Variants in SLC2A12 observed in about 807,000 individuals in gnomAD.
SLC2A12 encodes the protein solute carrier family 2, facilitated glucose transporter member 12.
Under a neutral mutation model 41.8 loss-of-function variants are expected in SLC2A12, and 23 were observed. The observed-to-expected ratio is 0.55, with a 90% CI of 0.40 to 0.78. SLC2A12 has a LOEUF of 0.78. Ranked by LOEUF, SLC2A12 falls within the 30% of genes least tolerant of loss-of-function variation. The pLI is 0.00. For missense variants in SLC2A12, 654 were observed against 745.6 expected (o/e 0.88, Z 1.43); for synonymous variants, 295 against 285.9 (o/e 1.03, Z -0.32).
At chr6:134,019,054 C>T (rs915274289) in intron 2 of SLC2A12, among the ~76,000 whole-genome samples, 3 of 152,130 alleles carry the variant, frequency 2.0e-5, no homozygotes, top group Admixed American at 6.5e-5. Flanking sequence ...GGATGACAGT[C>T]GCAGCTTTAT....
At chr6:134,038,838 G>A (rs1170200236) in intron 1 of SLC2A12, among the ~76,000 whole-genome samples, 1 of 150,760 alleles carries the variant, frequency 6.6e-6, no homozygotes, top group African/African-American at 2.5e-5. Flanking sequence ...CTGAGTAGCT[G>A]GGATTACAGG....
chr6:134,027,372 GA>G (rs1468876933), intron 2 of SLC2A12, among the ~76,000 whole-genome samples: 2 of 152,114 alleles, frequency 1.3e-5, no homozygotes, highest in Admixed American at 6.5e-5. Context: ...TTATTGGCCT[GA>G]ACCTCCAATG....
chr6:134,051,422 T>C (rs530032208), intron 1 of SLC2A12, among the ~76,000 whole-genome samples: 1 of 152,364 alleles, frequency 6.6e-6, no homozygotes, highest in African/African-American at 2.4e-5. Context: ...GTCTTTTGTA[T>C]CATTTAGTGT....
At chr6:134,046,016 T>C (rs1035829136) in intron 1 of SLC2A12, among the ~76,000 whole-genome samples, 3 of 152,194 alleles carry the variant, frequency 2.0e-5, no homozygotes, top group Non-Finnish European at 4.4e-5. Flanking sequence ...AAATAAAACA[T>C]TTCATTAGTG....
chr6:134,019,209 A>T (rs1036669602), intron 2 of SLC2A12, among the ~76,000 whole-genome samples: 3 of 152,062 alleles, frequency 2.0e-5, no homozygotes, highest in African/African-American at 4.8e-5. Context: ...TAATTATTAT[A>T]AAAAAAACAG....
At chr6:134,022,524 T>G (rs1356528186) in intron 2 of SLC2A12, among the ~76,000 whole-genome samples, 3 of 142,398 alleles carry the variant, frequency 2.1e-5, no homozygotes, top group Non-Finnish European at 4.6e-5. Flanking sequence ...AGAGTGAAAC[T>G]CCATCTCAAA....
intron 4 of SLC2A12, among the ~76,000 whole-genome samples, chr6:133,994,965 A>T (rs948813933): frequency 2.0e-5 from 3 of 152,172 alleles, no homozygotes; most frequent in Non-Finnish European, 4.4e-5. Context: ...ATAATCTAAG[A>T]TGAGGAGTGA....
intron 2 of SLC2A12, among the ~76,000 whole-genome samples, chr6:134,017,908 A>G (rs1453249090): frequency 2.0e-5 from 3 of 151,394 alleles, no homozygotes; most frequent in African/African-American, 7.3e-5. Context: ...TTCTCAGCCT[A>G]TATCTCACCT....
chr6:133,989,554 T>C lies in SLC2A12; in HGVS notation c.*1601A>G, dbSNP rs1305854574. 6.6e-6 allele frequency: 1 copy of C among 152,124 alleles called. No homozygotes were observed. The highest frequency in any genetic ancestry group is 1.5e-5 in the Non-Finnish European group (1 of 68,014). 9.4% of individuals were successfully genotyped at this position (152,124 alleles called of 1,614,324 possible). A position where few individuals can be genotyped will look rare whatever the true frequency, so the allele number is the denominator to read the frequency against. ...TTCTCTTTCCAAAAACAAAAAACAA[T>C]GCATGCTCTGATTTGCGTATGAAAT... On this transcript the variant is annotated 3_prime_UTR_variant, in exon 5 of 5. Transcript: ENST00000275230.
At chr6:134,004,272 G>A (rs1300317090) in intron 3 of SLC2A12, among the ~76,000 whole-genome samples, 2 of 152,296 alleles carry the variant, frequency 1.3e-5, no homozygotes, top group South Asian at 2.1e-4. Context: ...TTGAGGGCAT[G>A]TGTTTATGTG....
chr6:134,033,674 C>T (rs1032230732), intron 1 of SLC2A12, among the ~76,000 whole-genome samples: 2 of 152,148 alleles, frequency 1.3e-5, no homozygotes, highest in Non-Finnish European at 2.9e-5. Flanking sequence ...GCAGGGGAAT[C>T]AATGCCATAA....
rs1307825258 is a variant in SLC2A12 at position 133,988,589 on chromosome 6, C to A, written c.*2566G>T. ...CTAGCTTAGGCACTGCACTGAACAA[C>A]ACATATTATTTTTATCTTTTTTCTT... is the stretch of plus-strand genomic sequence containing the variant. On this transcript the variant is annotated 3_prime_UTR_variant, in exon 5 of 5. Transcript: ENST00000275230. 3.9e-5 allele frequency: 6 copies of A among 152,184 alleles called. No individual in the cohort carries two copies. 9.4% of individuals were successfully genotyped at this position (152,184 alleles called of 1,614,324 possible). A position where few individuals can be genotyped will look rare whatever the true frequency, so the allele number is the denominator to read the frequency against.
At chr6:134,013,507 G>A (rs1040871485) in intron 2 of SLC2A12, among the ~76,000 whole-genome samples, 2 of 152,020 alleles carry the variant, frequency 1.3e-5, no homozygotes, top group Non-Finnish European at 2.9e-5. Context: ...CAATGAGATG[G>A]ATGGGGAGTT....
At chr6:134,007,360 C>G (rs967692850) in intron 2 of SLC2A12, among the ~76,000 whole-genome samples, 1 of 152,206 alleles carries the variant, frequency 6.6e-6, no homozygotes, top group Non-Finnish European at 1.5e-5. Context: ...CAGCTCTCTC[C>G]CCCTGACCTT....
chr6:134,048,670 CAT>C (rs1292618751), intron 1 of SLC2A12, among the ~76,000 whole-genome samples: 1 of 152,184 alleles, frequency 6.6e-6, no homozygotes, highest in African/African-American at 2.4e-5. Context: ...TTGTTAAATA[CAT>C]ATGTTTTTAA....
At chr6:134,039,368 A>C (rs1193157977) in intron 1 of SLC2A12, among the ~76,000 whole-genome samples, 1 of 152,208 alleles carries the variant, frequency 6.6e-6, no homozygotes, top group Non-Finnish European at 1.5e-5. Flanking sequence ...GTTTATTCTT[A>C]TCATCAGATG....
rs1776620699 is a variant in SLC2A12 at position 133,991,319 on chromosome 6, A to G, written c.1701-11T>C. The G allele has an allele frequency of 1.2e-6, 2 of 1,606,400 alleles. No individual in the cohort carries two copies. The highest frequency in any genetic ancestry group is 1.1e-5 in the South Asian group (1 of 89,402). ...TTTTTCACATAGTTCCTGAAAGAGA[A>G]AGAGGCACTAATGAAAATGTCATTC... On this transcript the variant is annotated splice_polypyrimidine_tract_variant and intron_variant, in intron 4 of 4. Transcript: ENST00000275230.
chr6:134,011,972 G>A (rs893842596), intron 2 of SLC2A12, among the ~76,000 whole-genome samples: 2 of 151,256 alleles, frequency 1.3e-5, no homozygotes, highest in Admixed American at 1.3e-4. Context: ...AGCCCAGGAG[G>A]TGGAAGTTGC....
chr6:134,023,327 G>A (rs1462881716), intron 2 of SLC2A12, among the ~76,000 whole-genome samples: 1 of 152,180 alleles, frequency 6.6e-6, no homozygotes, highest in Non-Finnish European at 1.5e-5. Flanking sequence ...AAAAGCAACA[G>A]CCGTTGTGAT....
Sources: gnomAD v4.1 joint callset for allele counts (sites outside exome capture counted in the v4.1 genomes callset) on GRCh38, gnomAD v4.1.1 for gene constraint, MANE v1.5 for transcripts, NCBI Gene and HGNC (gene_info 2026-07-23, HGNC 2026-07-21) for gene names.